The following PALS2 variants were observed in gnomAD, a reference collection of about 807,000 sequenced individuals.
The protein encoded by PALS2 is protein associated with LIN7 2, MAGUK p55 family member.
Under a neutral mutation model 61.6 loss-of-function variants are expected in PALS2, and 27 were observed. The ratio of observed to expected loss-of-function variants is 0.44; its 90% CI spans 0.32 to 0.60. The LOEUF (loss-of-function observed/expected upper bound fraction) is 0.60. PALS2 is among the 20% of genes least tolerant of loss of function. PALS2 has a pLI of 0.05. For synonymous variants in PALS2, 236 were observed against 218.6 expected, an observed-to-expected ratio of 1.08 and a Z score of -0.70; for missense variants, 554 against 639.4, an observed-to-expected ratio of 0.87 and a Z score of 1.44.
At chr7:24,657,934 C>T (rs1786507636) in intron 5 of PALS2, among the ~76,000 whole-genome samples, 1 of 152,084 alleles carries the variant, frequency 6.6e-6, no homozygotes, top group African/African-American at 2.4e-5. Context: ...TTCAATTTTT[C>T]CAGCTCAGTT....
In PALS2 at chr7:24,679,286, G is replaced by A; in HGVS notation, c.1270G>A (p.Glu424Lys). ...TGGAACCAAAATTGATTCTATTCTT[G>A]AGGTTGTCCAAACTGGACGGACTTG... ...LYGTKIDSIL[E>K]VVQTGRTCIL... is the part of the protein sequence containing the mutation. Residue 424 changes from glutamate to lysine, a missense_variant, in exon 10 of 12, where the codon GAG becomes AAG. Glu to Lys is a moderately conservative substitution (Grantham distance 56). Coordinates refer to ENST00000222644, the MANE Select transcript of PALS2 (RefSeq NM_001303037.2). 1.2e-6 allele frequency: 2 copies of A among 1,614,070 alleles called. No homozygotes were observed. Among genetic ancestry groups the A allele is most frequent in the Non-Finnish European group, 1.7e-6 (2 of 1,179,956 alleles).
Position 24,665,659 on chromosome 7 carries a change from A to G in PALS2, c.855A>G (p.Ala285=). ...PSQFLEEKRK[A]FVRRDWDNSG... is the part of the protein sequence containing the mutation. The stretch of plus-strand genomic sequence containing the variant: ...AGTTCCTGGAAGAGAAGAGAAAGGC[A>G]TTTGTTAGAAGAGACTGGGACAATT... The change falls in exon 7 of 12, where the codon GCA becomes GCG. Residue 285 remains alanine, a synonymous_variant. Transcript: ENST00000222644. 1.2e-6 allele frequency: 2 copies of G among 1,613,822 alleles called. No homozygotes were observed. Among genetic ancestry groups the G allele is most frequent in the African/African-American group, 1.3e-5 (1 of 75,046 alleles).
intron 1 of PALS2, among the ~76,000 whole-genome samples, chr7:24,578,053 C>T (rs559524746): frequency 6.6e-6 from 1 of 152,114 alleles, no homozygotes; most frequent in East Asian, 1.9e-4. Flanking sequence ...AAGTGATCCT[C>T]CCACCTCAGC....
Position 24,638,894 on chromosome 7 carries a change from TA to T in PALS2, c.118-2819del, listed in dbSNP as rs1407063357. 7.2e-5 allele frequency among the ~76,000 whole-genome samples: 11 copies of T among 152,338 alleles called. No homozygotes were observed. The East Asian group carries it at 2.1e-3, about 29-fold the overall frequency. On this transcript the variant is annotated intron_variant, in intron 2 of 11. Transcript: ENST00000222644. Reference sequence around the variant, plus strand: ...ATCATTTCTGTTCCTTTACTTCTCCTAAAGTCCTGAATTAAACCAAGGACTA... The same window carrying T: ...ATCATTTCTGTTCCTTTACTTCTCCTAAGTCCTGAATTAAACCAAGGACTA...
intron 1 of PALS2, chr7:24,620,318 A>G (rs773683746): frequency 3.9e-5 from 6 of 152,290 alleles, no homozygotes; most frequent in African/African-American, 1.4e-4. Context: ...ATCGTTTCAT[A>G]TGCTTTTAGG....
intron 8 of PALS2, 21 bp downstream of exon 8, chr7:24,666,110 G>T: frequency 1.3e-6 from 2 of 1,585,506 alleles, no homozygotes; most frequent in South Asian, 2.2e-5. Context: ...AATACTTTTT[G>T]AGAAGTCCAA....
rs1044908623 is a variant in PALS2, at chr7:24,692,142, T to C, written c.*4528T>C. On this transcript the variant is annotated 3_prime_UTR_variant, in exon 12 of 12. Coordinates refer to ENST00000222644, the MANE Select transcript of PALS2 (RefSeq NM_001303037.2). ...TGTTCTTGGAATAGTTTTTGAAAAATGCAGAGATTCGAACATGAGTCCTTA... is the reference window on the plus strand; with the variant it reads ...TGTTCTTGGAATAGTTTTTGAAAAACGCAGAGATTCGAACATGAGTCCTTA... The C allele has an allele frequency of 2.6e-5, 4 of 152,160 alleles. No homozygotes were observed. The highest frequency in any genetic ancestry group is 9.6e-5 in the African/African-American group (4 of 41,452). 9.4% of individuals were successfully genotyped at this position (152,160 alleles called of 1,614,324 possible). A position where few individuals can be genotyped will look rare whatever the true frequency, so the allele number is the denominator to read the frequency against.
chr7:24,609,529 T>G (rs1172039490), intron 1 of PALS2, among the ~76,000 whole-genome samples: 1 of 152,156 alleles, frequency 6.6e-6, no homozygotes, highest in East Asian at 1.9e-4. Flanking sequence ...TTATAACACC[T>G]GTGGAAGACA....
At chr7:24,629,331 A>G (rs547048524) in intron 2 of PALS2, among the ~76,000 whole-genome samples, 25 of 152,308 alleles carry the variant, frequency 1.6e-4, no homozygotes, top group African/African-American at 6.0e-4. Flanking sequence ...TATTACAAAA[A>G]TTAAGTCAAG....
At chr7:24,644,354 C>T (rs1306428325) in intron 3 of PALS2, among the ~76,000 whole-genome samples, 1 of 152,008 alleles carries the variant, frequency 6.6e-6, no homozygotes, top group African/African-American at 2.4e-5. Context: ...TGAGAACATG[C>T]ATTATTTGGT....
intron 9 of PALS2, among the ~76,000 whole-genome samples, chr7:24,677,252 C>G (rs1463352068): frequency 6.6e-6 from 1 of 152,158 alleles, no homozygotes; most frequent in Non-Finnish European, 1.5e-5. Context: ...AGTTGCTTAT[C>G]AGCTTAAGGA....
intron 1 of PALS2, among the ~76,000 whole-genome samples, chr7:24,588,714 A>G (rs868027644): frequency 6.6e-6 from 1 of 152,242 alleles, no homozygotes; most frequent in Non-Finnish European, 1.5e-5. Context: ...AAAAGACTTT[A>G]TAATGGTTTA....
chr7:24,674,534 A>C (rs569732486), intron 9 of PALS2: 7 of 152,400 alleles, frequency 4.6e-5, no homozygotes, highest in African/African-American at 1.7e-4. Flanking sequence ...TCTTCAGGGT[A>C]ATGAACATGC....
chr7:24,584,874 T>G (rs1240638988), intron 1 of PALS2, among the ~76,000 whole-genome samples: 2 of 152,004 alleles, frequency 1.3e-5, no homozygotes, highest in African/African-American at 4.8e-5. Context: ...TTCAGCTTTC[T>G]ACGTATGGCT....
chr7:24,676,973 G>A (rs1787635119), intron 9 of PALS2, among the ~76,000 whole-genome samples: 1 of 151,086 alleles, frequency 6.6e-6, no homozygotes, highest in Non-Finnish European at 1.5e-5. Context: ...GGGCAGTATG[G>A]CCATTTTCAC....
chr7:24,584,320 C>T, intron 1 of PALS2, among the ~76,000 whole-genome samples: 1 of 142,042 alleles, frequency 7.0e-6, no homozygotes, highest in Non-Finnish European at 1.5e-5. Flanking sequence ...CTCTCCAGCA[C>T]CTGTTGTTTC....
chr7:24,626,029 AC>A (rs1357911717), intron 2 of PALS2, among the ~76,000 whole-genome samples: 3 of 152,214 alleles, frequency 2.0e-5, no homozygotes, highest in African/African-American at 2.4e-5. Flanking sequence ...CATGAGAAAA[AC>A]AACAGAGGCA....
chr7:24,613,319 A>G (rs945159427), intron 1 of PALS2, among the ~76,000 whole-genome samples: 5 of 151,538 alleles, frequency 3.3e-5, no homozygotes, highest in African/African-American at 1.2e-4. Flanking sequence ...GATAATTGAC[A>G]TTTTCTTAGA....
intron 1 of PALS2, among the ~76,000 whole-genome samples, chr7:24,585,602 G>T (rs1783033479): frequency 1.3e-5 from 2 of 148,644 alleles, no homozygotes; most frequent in South Asian, 4.2e-4. Context: ...GTACTCATCA[G>T]AATGGAACAC....
Sources: gnomAD v4.1 joint callset for allele counts (sites outside exome capture counted in the v4.1 genomes callset) on GRCh38, gnomAD v4.1.1 for gene constraint, MANE v1.5 for transcripts, NCBI Gene and HGNC (gene_info 2026-07-23, HGNC 2026-07-21) for gene names.